DLG2: variants seen among roughly 807,000 people sequenced by gnomAD.
The protein encoded by DLG2 is disks large homolog 2.
A neutral mutation model predicts 132.5 loss-of-function variants in DLG2; 45 were observed. The observed-to-expected ratio is 0.34, with a 90% CI of 0.27 to 0.44. The LOEUF (loss-of-function observed/expected upper bound fraction) is 0.44, where lower values mean the gene tolerates loss of function less well. Among genes scored for constraint, DLG2 ranks in the 20% least tolerant of loss-of-function variants. The pLI is 1.00. For synonymous variants in DLG2, 424 were observed against 419.6 expected (o/e 1.01, Z -0.13); for missense variants, 1,045 against 1,196.9 (o/e 0.87, Z 1.87).
intron 10 of DLG2, among the ~76,000 whole-genome samples, chr11:84,066,039 G>A (rs968288268): frequency 3.9e-5 from 6 of 152,074 alleles, no homozygotes; most frequent in Admixed American, 2.6e-4. Context: ...GACACAAAGA[G>A]GGGAACAACA....
chr11:84,178,317 C>T (rs73517742), intron 8 of DLG2, among the ~76,000 whole-genome samples: 3,630 of 152,204 alleles, frequency 0.024, 145 homozygotes, highest in African/African-American at 0.083. Context: ...ATGCTGTCTA[C>T]AGTAGCCAGA....
chr11:84,777,281 G>GTGTGTGTGTGTATA (rs1218190517), intron 6 of DLG2, among the ~76,000 whole-genome samples: 2 of 95,034 alleles, frequency 2.1e-5, no homozygotes, highest in African/African-American at 8.2e-5. Context: ...ATGTGTGTGT[G>GTGTGTGTGTGTATA]TATATATATA....
At chr11:85,312,383 C>A (rs1489713417) in intron 3 of DLG2, among the ~76,000 whole-genome samples, 1 of 150,316 alleles carries the variant, frequency 6.7e-6, no homozygotes, top group East Asian at 1.9e-4. Flanking sequence ...TAATTTATAA[C>A]CTTATAAGTA....
chr11:85,261,952 T>C (rs554623015), intron 4 of DLG2, among the ~76,000 whole-genome samples: 1 of 152,224 alleles, frequency 6.6e-6, no homozygotes, highest in South Asian at 2.1e-4. Flanking sequence ...CCTCAACCTG[T>C]CCAGCCAGTT....
chr11:85,142,475 G>A (rs2076559140), intron 5 of DLG2, among the ~76,000 whole-genome samples: 2 of 151,580 alleles, frequency 1.3e-5, no homozygotes, highest in African/African-American at 4.8e-5. Context: ...GGAATTTTTA[G>A]GTTTTTCTAA....
chr11:84,336,044 A>T (rs1391553715), intron 7 of DLG2, among the ~76,000 whole-genome samples: 1 of 152,194 alleles, frequency 6.6e-6, no homozygotes, highest in Non-Finnish European at 1.5e-5. Flanking sequence ...TTCATGTAGC[A>T]ATTCAAATAG....
chr11:84,909,507 G>C (rs1436530726), intron 6 of DLG2, among the ~76,000 whole-genome samples: 1 of 152,108 alleles, frequency 6.6e-6, no homozygotes, highest in Non-Finnish European at 1.5e-5. Flanking sequence ...TTTTAATCAT[G>C]ATTAAAATAA....
intron 7 of DLG2, among the ~76,000 whole-genome samples, chr11:84,323,041 G>A (rs1161774666): frequency 6.6e-6 from 1 of 150,924 alleles, no homozygotes; most frequent in Non-Finnish European, 1.5e-5. Context: ...TTTTTTTTAA[G>A]TTGTGGTAAA....
intron 7 of DLG2, among the ~76,000 whole-genome samples, chr11:84,292,772 C>A (rs1208452822): frequency 6.6e-6 from 1 of 152,028 alleles, no homozygotes; most frequent in African/African-American, 2.4e-5. Flanking sequence ...GAATAAAGTA[C>A]TTCAGAAGTG....
At chr11:83,666,532 C>T (rs1432083575) in intron 18 of DLG2, among the ~76,000 whole-genome samples, 1 of 152,050 alleles carries the variant, frequency 6.6e-6, no homozygotes, top group Non-Finnish European at 1.5e-5. Context: ...ATAGTTTAAT[C>T]CCAAAACCAT....
intron 3 of DLG2, among the ~76,000 whole-genome samples, chr11:85,503,554 A>T (rs1458968429): frequency 6.6e-6 from 1 of 152,100 alleles, no homozygotes; most frequent in East Asian, 1.9e-4. Context: ...TGATTGGATA[A>T]TGAAGGTTCT....
intron 9 of DLG2, among the ~76,000 whole-genome samples, chr11:84,161,197 A>C (rs1401514864): frequency 2.0e-5 from 3 of 151,732 alleles, no homozygotes; most frequent in Non-Finnish European, 2.9e-5. Context: ...GGATGAGCAC[A>C]AAAAGCTAGA....
intron 4 of DLG2, among the ~76,000 whole-genome samples, chr11:85,240,367 G>T (rs1001184932): frequency 6.6e-6 from 1 of 151,644 alleles, no homozygotes; most frequent in Non-Finnish European, 1.5e-5. Context: ...ACATCTAATT[G>T]TTTGTAACTT....
At chr11:83,654,471 C>T (rs185259646) in intron 18 of DLG2, among the ~76,000 whole-genome samples, 69 of 152,316 alleles carry the variant, frequency 4.5e-4, no homozygotes, top group African/African-American at 1.5e-3. Context: ...TCTGTCTTGA[C>T]ATTCTAACAA....
chr11:85,605,228 A>C (rs915760534), intron 2 of DLG2, among the ~76,000 whole-genome samples: 1 of 152,214 alleles, frequency 6.6e-6, no homozygotes, highest in Non-Finnish European at 1.5e-5. Flanking sequence ...AAGATCACAC[A>C]GCTACTAAAT....
chr11:84,178,795 G>A lies in DLG2; in HGVS notation c.574-15284C>T, dbSNP rs575552376. 3.9e-5 allele frequency among the ~76,000 whole-genome samples: 6 copies of A among 152,006 alleles called. 1 individual carries two copies. The highest frequency in any genetic ancestry group is 6.6e-5 in the Admixed American group (1 of 15,244). On this transcript the variant is annotated intron_variant, in intron 8 of 27. Coordinates refer to ENST00000376104, the MANE Select transcript of DLG2 (RefSeq NM_001142699.3). ...GAGACATCAGTAGCTATATACTGCA[G>A]GGGAAACAGACTACAGATCTAGCAT...
rs71463182 is a variant in DLG2, at chr11:83,742,210, A to ACCACACACAC, written c.1825+44479_1825+44480insGTGTGTGTGG. 4.3e-4 allele frequency among the ~76,000 whole-genome samples: 63 copies of ACCACACACAC among 147,006 alleles called. 1 individual carries two copies. The highest frequency in any genetic ancestry group is 1.0e-3 in the African/African-American group (41 of 39,868). On this transcript the variant is annotated intron_variant, in intron 18 of 27. Coordinates refer to ENST00000376104, the MANE Select transcript of DLG2 (RefSeq NM_001142699.3). ...AGAGAGTAAATTTTACCACACTTTT[A>ACCACACACAC]ACACACACACACACACACACACACA...
chr11:85,130,579 G>A (rs949932050), intron 5 of DLG2, among the ~76,000 whole-genome samples: 5 of 152,196 alleles, frequency 3.3e-5, no homozygotes, highest in Admixed American at 1.3e-4. Context: ...AGCTTAGGAC[G>A]TATCATAATT....
At chr11:84,622,026 T>C (rs2099614855) in intron 6 of DLG2, among the ~76,000 whole-genome samples, 2 of 152,144 alleles carry the variant, frequency 1.3e-5, no homozygotes, top group African/African-American at 4.8e-5. Context: ...AGTAAGTAAG[T>C]AAAAAGTTGC....
Sources: allele counts gnomAD v4.1 joint callset (sites outside exome capture counted in the v4.1 genomes callset), GRCh38; gene constraint gnomAD v4.1.1; transcripts MANE v1.5; gene names NCBI Gene and HGNC (gene_info 2026-07-23, HGNC 2026-07-21).